Variants in F10 observed in about 807,000 individuals in gnomAD.
F10 encodes coagulation factor X.
In F10, 29 loss-of-function variants were observed where a neutral mutation model predicts 37.1. The observed-to-expected ratio is 0.78, with a 90% confidence interval of 0.58 to 1.07. F10 has a LOEUF of 1.07. Ranked by LOEUF, F10 falls within the 50% of genes least tolerant of loss-of-function variation. F10 has a pLI of 0.00. For missense variants in F10, 539 were observed against 667.9 expected (o/e 0.81, Z 2.13); for synonymous variants, 262 against 268.6 (o/e 0.98, Z 0.24).
Position 113,143,325 on chromosome 13 carries a change from G to A in F10, c.503-526G>A, listed in dbSNP as rs2036550003. On this transcript the variant is annotated intron_variant, in intron 5 of 7. Transcript: ENST00000375559. This position sits in a 1 kb window ranked among gnomAD's most constrained non-coding sequence, Gnocchi z 6.8. ...TGTGCTATTCCAGACGCTCTCCTGT[G>A]CCTCCAGTTGTTTGCGTGCGCCATT... Among the ~76,000 whole-genome samples, 1 of 152,104 alleles carries A rather than the reference G, an allele frequency of 6.6e-6. No individual in the cohort carries two copies. The highest frequency in any genetic ancestry group is 2.4e-5 in the African/African-American group (1 of 41,418).
chr13:113,149,209 C>T lies in F10; in HGVS notation c.1159C>T (p.Arg387Cys), dbSNP rs746433086. The T allele has an allele frequency of 4.3e-6, 7 of 1,613,020 alleles. No homozygotes were observed. Among genetic ancestry groups the T allele is most frequent in the East Asian group, 2.2e-5 (1 of 44,864 alleles). Residue 387 changes from arginine (R) to cysteine (C), a missense_variant, in exon 8 of 8, where the codon CGC becomes TGC. Transcript: ENST00000375559. The surrounding 1 kb of genome is among the most constrained non-coding windows in gnomAD (Gnocchi z 7.5). ...LKMLEVPYVD[R>C]NSCKLSSSFI... ...GATGCTGGAGGTGCCCTACGTGGACCGCAACAGCTGCAAGCTGTCCAGCAG... is the reference window on the plus strand; with the variant it reads ...GATGCTGGAGGTGCCCTACGTGGACTGCAACAGCTGCAAGCTGTCCAGCAG...
intron 7 of F10, 32 bp downstream of exon 7, chr13:113,147,528 G>T (rs751012368): frequency 2.1e-5 from 29 of 1,351,524 alleles, no homozygotes; most frequent in East Asian, 6.8e-5. Context: ...GGGCCGTGGT[G>T]AGGGGCACCG....
In F10 at chr13:113,139,820, C is replaced by T. The variant is rs965048917; in HGVS notation, c.370+350C>T. Among the ~76,000 whole-genome samples the T allele has an allele frequency of 2.6e-5, 4 of 152,046 alleles. No individual in the cohort carries two copies. The highest frequency in any genetic ancestry group is 9.7e-5 in the African/African-American group (4 of 41,376). ...CAAGTGCATTGCCCTGTTATTCCTG[C>T]TCCTTGTGACCCTGTGCAGTGATTC... On this transcript the variant is annotated intron_variant, in intron 4 of 7. Coordinates refer to ENST00000375559, the MANE Select transcript of F10 (RefSeq NM_000504.4). This position sits in a 1 kb window ranked among gnomAD's most constrained non-coding sequence, Gnocchi z 5.2.
chr13:113,149,145 GC>G lies in F10; in HGVS notation c.1096del (p.Arg366AlafsTer68). ...QKTGIVSGFG[R>X]THEKGRQSTR... Reference sequence around the variant, plus strand: ...AGACGGGGATTGTGAGCGGCTTCGGGCGCACCCACGAGAAGGGCCGGCAGTC... The same window carrying G: ...AGACGGGGATTGTGAGCGGCTTCGGGGCACCCACGAGAAGGGCCGGCAGTC... On this transcript the variant is annotated frameshift_variant, in exon 8 of 8. Transcript: ENST00000375559. LOFTEE classifies it low-confidence loss of function (END_TRUNC). The surrounding 1 kb of genome is among the most constrained non-coding windows in gnomAD (Gnocchi z 7.5). 1.2e-6 allele frequency: 2 copies of G among 1,612,976 alleles called. No homozygotes were observed. The highest frequency in any genetic ancestry group is 8.5e-7 in the Non-Finnish European group (1 of 1,180,002).
At chr13:113,133,515 G>A (rs2138533513) in intron 2 of F10, among the ~76,000 whole-genome samples, 1 of 152,254 alleles carries the variant, frequency 6.6e-6, no homozygotes, top group Non-Finnish European at 1.5e-5. Context: ...AGGTGAAAGA[G>A]ATACCTGCCA....
intron 4 of F10, chr13:113,140,473 C>T (rs1038502733): frequency 3.0e-5 from 14 of 470,390 alleles, no homozygotes; most frequent in Non-Finnish European, 5.7e-5. Flanking sequence ...ATTCCAAGTC[C>T]GCAGTCGCCT....
rs2036561669 is a variant in F10, at chr13:113,144,393, T to G, written c.747+298T>G. On this transcript the variant is annotated intron_variant, in intron 6 of 7. Coordinates refer to ENST00000375559, the MANE Select transcript of F10 (RefSeq NM_000504.4). The surrounding 1 kb of genome is among the most constrained non-coding windows in gnomAD (Gnocchi z 6.4). ...GCTGCCCGTGGCATGCCCAGGACGATGCTGTCCTGTGAAACAGAAGAGAGG... is the reference window on the plus strand; with the variant it reads ...GCTGCCCGTGGCATGCCCAGGACGAGGCTGTCCTGTGAAACAGAAGAGAGG... 6.6e-6 allele frequency among the ~76,000 whole-genome samples: 1 copy of G among 152,190 alleles called. No individual in the cohort carries two copies. The highest frequency in any genetic ancestry group is 2.4e-5 in the African/African-American group (1 of 41,448).
chr13:113,149,304 C>G lies in F10; in HGVS notation c.1254C>G (p.Asp418Glu). 1 of 1,613,232 alleles carries G rather than the reference C, an allele frequency of 6.2e-7. No homozygotes were observed. Residue 418 changes from aspartate (D) to glutamate (E), a missense_variant, in exon 8 of 8, where the codon GAC becomes GAG. Around this residue, in one of 2 missense-constraint regions of F10, gnomAD observed 409 missense variants for 547.9 expected, o/e 0.75. Coordinates refer to ENST00000375559, the MANE Select transcript of F10 (RefSeq NM_000504.4). The surrounding 1 kb of genome is among the most constrained non-coding windows in gnomAD (Gnocchi z 7.5). ...AGCAGGAGGATGCCTGCCAGGGGGA[C>G]AGCGGGGGCCCGCACGTCACCCGCT... is the stretch of plus-strand genomic sequence containing the variant. Reference protein sequence around the residue: ...DTKQEDACQGDSGGPHVTRFK... With the variant: ...DTKQEDACQGESGGPHVTRFK...
intron 7 of F10, among the ~76,000 whole-genome samples, chr13:113,148,038 T>TA (rs1293351849): frequency 2.6e-5 from 4 of 152,012 alleles, no homozygotes; most frequent in Non-Finnish European, 5.9e-5. Flanking sequence ...TTTTAAAATA[T>TA]AAAAAAACAG....
intron 6 of F10, among the ~76,000 whole-genome samples, chr13:113,145,102 C>T (rs561519866): frequency 6.6e-6 from 1 of 152,136 alleles, no homozygotes; most frequent in Non-Finnish European, 1.5e-5. Context: ...GGATGGTCTC[C>T]ATCTCCTGAC....
chr13:113,124,502 G>A (rs2036352168), intron 1 of F10, among the ~76,000 whole-genome samples: 1 of 152,238 alleles, frequency 6.6e-6, no homozygotes, highest in African/African-American at 2.4e-5. Context: ...CGGAGAGCCA[G>A]GGCCAGGCCA....
rs2036530980 is a variant in F10, at chr13:113,141,837, G to A, written c.502+787G>A. 6.6e-6 allele frequency among the ~76,000 whole-genome samples: 1 copy of A among 152,184 alleles called. No homozygotes were observed. ...GCCTCACCCGGGGGCATATTCGAAGGGCAGAGTTCCAGGCCCGCCTTTTCA... is the reference window on the plus strand; with the variant it reads ...GCCTCACCCGGGGGCATATTCGAAGAGCAGAGTTCCAGGCCCGCCTTTTCA... On this transcript the variant is annotated intron_variant, in intron 5 of 7. Transcript: ENST00000375559. The surrounding 1 kb of genome is among the most constrained non-coding windows in gnomAD (Gnocchi z 5.4).
Position 113,144,981 on chromosome 13 carries a change from T to C in F10, c.747+886T>C, listed in dbSNP as rs575244607. Among the ~76,000 whole-genome samples the C allele has an allele frequency of 5.8e-4, 89 of 152,200 alleles. No individual in the cohort carries two copies. The highest frequency in any genetic ancestry group is 6.5e-4 in the Non-Finnish European group (44 of 68,008). ...GCAACCTCCACCTCCCAGGTTCATG[T>C]CATTCTCCTGCTTCAGCCTCCCGAG... is the stretch of plus-strand genomic sequence containing the variant. On this transcript the variant is annotated intron_variant, in intron 6 of 7. Transcript: ENST00000375559. This position sits in a 1 kb window ranked among gnomAD's most constrained non-coding sequence, Gnocchi z 6.4.
In F10 at chr13:113,143,575, A is replaced by G. The variant is rs1056925883; in HGVS notation, c.503-276A>G. ...CTTGGTGCATTTTCAGGCAAACCGCAGACGCCAACACTCCCCTCGCTGCCT... is the reference window on the plus strand; with the variant it reads ...CTTGGTGCATTTTCAGGCAAACCGCGGACGCCAACACTCCCCTCGCTGCCT... On this transcript the variant is annotated intron_variant, in intron 5 of 7. Coordinates refer to ENST00000375559, the MANE Select transcript of F10 (RefSeq NM_000504.4). The surrounding 1 kb of genome is among the most constrained non-coding windows in gnomAD (Gnocchi z 6.8). 1.1e-4 allele frequency among the ~76,000 whole-genome samples: 17 copies of G among 152,220 alleles called. No individual in the cohort carries two copies. The highest frequency in any genetic ancestry group is 2.4e-4 in the Non-Finnish European group (16 of 68,022).
In F10 at chr13:113,135,359, A is replaced by C. The variant is rs903053168; in HGVS notation, c.232-3098A>C. On this transcript the variant is annotated intron_variant, in intron 2 of 7. Coordinates refer to ENST00000375559, the MANE Select transcript of F10 (RefSeq NM_000504.4). ...ATCAGACTGGGTAAATTATAAACAGAATAAGGTTATTGCTCACAGTTATGG... is the reference window on the plus strand; with the variant it reads ...ATCAGACTGGGTAAATTATAAACAGCATAAGGTTATTGCTCACAGTTATGG... Among the ~76,000 whole-genome samples the C allele has an allele frequency of 3.9e-5, 6 of 152,322 alleles. No homozygotes were observed. In the South Asian group the frequency reaches 1.0e-3, roughly 26 times the overall value.
At chr13:113,123,542 G>A (rs551828740) in intron 1 of F10, among the ~76,000 whole-genome samples, 1 of 152,232 alleles carries the variant, frequency 6.6e-6, no homozygotes, top group African/African-American at 2.4e-5. Flanking sequence ...AGCGGAGGAA[G>A]AGGAGGCCCC....
chr13:113,145,045 A>AT (rs545465136), intron 6 of F10, among the ~76,000 whole-genome samples: 388 of 151,982 alleles, frequency 2.6e-3, no homozygotes, highest in Middle Eastern at 6.8e-3. Context: ...CGCCCAGCTA[A>AT]TTTTTTTTGT....
chr13:113,148,363 T>TATATATAC (rs56165023), intron 7 of F10, among the ~76,000 whole-genome samples: 6,271 of 109,704 alleles, frequency 0.057, 218 homozygotes, highest in Non-Finnish European at 0.085. Flanking sequence ...TATATATATA[T>TATATATAC]GTATATATAT....
chr13:113,147,030 C>T (rs566373098), intron 6 of F10, among the ~76,000 whole-genome samples: 1 of 152,350 alleles, frequency 6.6e-6, no homozygotes, highest in East Asian at 1.9e-4. Context: ...TCTGCACAGA[C>T]TGGCGTCTCC....
Sources: allele counts gnomAD v4.1 joint callset (sites outside exome capture counted in the v4.1 genomes callset), GRCh38; gene constraint gnomAD v4.1.1; regional missense constraint gnomAD v4.1.1; non-coding constraint Gnocchi (gnomAD v3.1); transcripts MANE v1.5; gene names NCBI Gene and HGNC (gene_info 2026-07-23, HGNC 2026-07-21).